Variants in AFF2 observed in about 807,000 individuals in gnomAD.
AFF2 encodes the protein AF4/FMR2 family member 2.
Under a neutral mutation model 76.9 loss-of-function variants are expected in AFF2, and 14 were observed. The ratio of observed to expected loss-of-function variants is 0.18; its 90% CI spans 0.12 to 0.28. The LOEUF (loss-of-function observed/expected upper bound fraction) is 0.28. Ranked by LOEUF, AFF2 falls within the 10% of genes least tolerant of loss-of-function variation. The probability of loss-of-function intolerance (pLI) is 1.00; values close to 1 mark genes in which losing one functional copy is unlikely to be tolerated. For missense variants in AFF2, 868 were observed against 1,001.1 expected, an observed-to-expected ratio of 0.87 and a Z score of 1.79; for synonymous variants, 398 against 366.7, an observed-to-expected ratio of 1.09 and a Z score of -0.98.
At chrX:148,608,697 T>A (rs782109996) in intron 1 of AFF2, among the ~76,000 whole-genome samples, 28 of 109,303 alleles carry the variant, frequency 2.6e-4, no homozygotes, top group Admixed American at 2.2e-3. Context: ...AAAAAAAAAA[T>A]TGATAGAGAC....
chrX:148,727,084 AT>A (rs1261573517), intron 3 of AFF2, among the ~76,000 whole-genome samples: 1 of 112,257 alleles, frequency 8.9e-6, no homozygotes, highest in Admixed American at 9.4e-5. Context: ...ATGACCTATA[AT>A]CATTGGCTTT....
intron 7 of AFF2, among the ~76,000 whole-genome samples, chrX:148,858,728 T>A (rs1339171265): frequency 9.0e-6 from 1 of 111,113 alleles, no homozygotes; most frequent in Non-Finnish European, 1.9e-5. Context: ...TTATATGGAT[T>A]TACATTAAAA....
chrX:148,962,869 A>C lies in AFF2; in HGVS notation c.2845A>C (p.Ile949Leu), dbSNP rs1557288264. 1 of 1,209,263 alleles carries C rather than the reference A, an allele frequency of 8.3e-7. No individual in the cohort carries two copies. Among genetic ancestry groups the C allele is most frequent in the African/African-American group, 1.7e-5 (1 of 57,251 alleles). The change falls in exon 13 of 21, where the codon ATC (isoleucine) becomes CTC (leucine). Residue 949 changes from isoleucine (I) to leucine (L), a missense_variant. Coordinates refer to ENST00000370460, the MANE Select transcript of AFF2 (RefSeq NM_002025.4). Reference sequence around the variant, plus strand: ...CAAAAACATCGCCATGACTGGACAAATCACATCTACCAAACCTAAGAGAAC... The same window carrying C: ...CAAAAACATCGCCATGACTGGACAACTCACATCTACCAAACCTAAGAGAAC... ...QDKNIAMTGQ[I>L]TSTKPKRTEG...
intron 9 of AFF2, among the ~76,000 whole-genome samples, chrX:148,916,499 C>T (rs982005936): frequency 9.1e-6 from 1 of 110,493 alleles, no homozygotes; most frequent in Non-Finnish European, 1.9e-5. Flanking sequence ...CTTGAGCCAC[C>T]GTGCCCGGCC....
intron 3 of AFF2, among the ~76,000 whole-genome samples, chrX:148,688,656 G>C (rs947792320): frequency 9.0e-6 from 1 of 110,993 alleles, no homozygotes; most frequent in African/African-American, 3.3e-5. Context: ...TTAACAACAG[G>C]GATGCGTTCT....
intron 3 of AFF2, among the ~76,000 whole-genome samples, chrX:148,784,072 G>T (rs782073225): frequency 8.9e-6 from 1 of 112,274 alleles, no homozygotes; most frequent in African/African-American, 3.2e-5. Flanking sequence ...AGCCTTCAGT[G>T]AATTTCCTCT....
Position 148,830,934 on chromosome X carries a change from T to TA in AFF2, c.1087-6703dup, listed in dbSNP as rs1557273267. On this transcript the variant is annotated intron_variant, in intron 4 of 20. Coordinates refer to ENST00000370460, the MANE Select transcript of AFF2 (RefSeq NM_002025.4). The stretch of plus-strand genomic sequence containing the variant: ...TTATTTCATTCCTTATCTACAACTG[T>TA]AAAAAAAAAAGACAGACTTTCCCAA... Among the ~76,000 whole-genome samples the TA allele has an allele frequency of 1.3e-3, 140 of 103,832 alleles. 2 individuals carry two copies. The highest frequency in any genetic ancestry group is 3.5e-3 in the African/African-American group (96 of 27,048). The allele number at this position is 103,832 out of a possible 115,157, so 90.2% of individuals were successfully genotyped here. A position where few individuals can be genotyped will look rare whatever the true frequency, so the allele number is the denominator to read the frequency against.
intron 1 of AFF2, among the ~76,000 whole-genome samples, chrX:148,606,240 G>C (rs2053671375): frequency 8.9e-6 from 1 of 112,041 alleles, no homozygotes; most frequent in Non-Finnish European, 1.9e-5. Flanking sequence ...AATTGTCACA[G>C]ATTGTAGGAA....
At chrX:148,588,618 T>G (rs2053492848) in intron 1 of AFF2, among the ~76,000 whole-genome samples, 1 of 112,603 alleles carries the variant, frequency 8.9e-6, no homozygotes, top group African/African-American at 3.2e-5. Flanking sequence ...ATTGGTACAC[T>G]TTCCTTCTAC....
chrX:148,543,085 G>A (rs1346729324), intron 1 of AFF2, among the ~76,000 whole-genome samples: 1 of 111,506 alleles, frequency 9.0e-6, no homozygotes, highest in African/African-American at 3.3e-5. Context: ...CTGGATCCGG[G>A]CCTCCTAAAT....
In AFF2 at chrX:148,580,117, A is replaced by G. The variant is rs782546787; in HGVS notation, c.48-71882A>G. ...AACATGCTATGCTGTTTATAAACCAAGGTGCATCTGTGGAACTAGTACTTT... is the reference window on the plus strand; with the variant it reads ...AACATGCTATGCTGTTTATAAACCAGGGTGCATCTGTGGAACTAGTACTTT... On this transcript the variant is annotated intron_variant, in intron 1 of 20. Transcript: ENST00000370460. Among the ~76,000 whole-genome samples the G allele has an allele frequency of 3.6e-5, 4 of 111,899 alleles. No individual in the cohort carries two copies. The South Asian group carries it at 1.5e-3, about 42-fold the overall frequency.
At chrX:148,941,243 C>T in intron 9 of AFF2, among the ~76,000 whole-genome samples, 1 of 111,552 alleles carries the variant, frequency 9.0e-6, no homozygotes, top group Middle Eastern at 4.6e-3. Flanking sequence ...GTGAGTGTGT[C>T]ATAATTAGCA....
chrX:148,904,410 C>T (rs1324077821), intron 9 of AFF2, 152 bp downstream of exon 9: 2 of 417,657 alleles, frequency 4.8e-6, no homozygotes, highest in Non-Finnish European at 8.2e-6. Context: ...AAAAATCCTC[C>T]AATGAGCAGG....
At chrX:148,551,815 G>A (rs1330228898) in intron 1 of AFF2, among the ~76,000 whole-genome samples, 1 of 111,854 alleles carries the variant, frequency 8.9e-6, no homozygotes, top group Non-Finnish European at 1.9e-5. Context: ...GGGGAGTTGA[G>A]CCACACCAGA....
chrX:148,986,035 C>T (rs142312359), intron 19 of AFF2, among the ~76,000 whole-genome samples: 1 of 99,016 alleles, frequency 1.0e-5, no homozygotes, highest in African/African-American at 3.8e-5. Context: ...ATGTGCTGCC[C>T]GTCAGGGTGC....
At chrX:148,941,765 A>G (rs1381013635) in intron 9 of AFF2, among the ~76,000 whole-genome samples, 1 of 111,397 alleles carries the variant, frequency 9.0e-6, no homozygotes, top group African/African-American at 3.3e-5. Context: ...CATGCAACCT[A>G]TTTGCCTGAT....
At chrX:148,764,160 T>C (rs1026194315) in intron 3 of AFF2, among the ~76,000 whole-genome samples, 2 of 112,048 alleles carry the variant, frequency 1.8e-5, no homozygotes, top group Non-Finnish European at 3.8e-5. Context: ...AGAACTTGCA[T>C]GGTGAGCAGA....
intron 1 of AFF2, among the ~76,000 whole-genome samples, chrX:148,508,616 G>A (rs12115904): frequency 0.015 from 1,625 of 111,573 alleles, 51 homozygotes; most frequent in African/African-American, 0.05. Flanking sequence ...AATGAAAAAT[G>A]CAATTACGTA....
At chrX:148,624,200 G>C (rs911313055) in intron 1 of AFF2, among the ~76,000 whole-genome samples, 1 of 111,342 alleles carries the variant, frequency 9.0e-6, no homozygotes, top group African/African-American at 3.3e-5. Context: ...GCAGTCCGCA[G>C]TCCCTTCCCC....
Sources: allele counts gnomAD v4.1 joint callset (sites outside exome capture counted in the v4.1 genomes callset), GRCh38; gene constraint gnomAD v4.1.1; transcripts MANE v1.5; gene names NCBI Gene and HGNC (gene_info 2026-07-23, HGNC 2026-07-21).